Variants in ZBED6 observed in about 807,000 individuals in gnomAD.
ZBED6 encodes zinc finger BED domain-containing protein 6.
A neutral mutation model predicts 58.4 loss-of-function variants in ZBED6; 40 were observed. The observed-to-expected ratio is 0.68, with a 90% CI of 0.53 to 0.89. ZBED6 has a LOEUF of 0.89. Among genes scored for constraint, ZBED6 ranks in the 40% least tolerant of loss-of-function variants. The pLI is 0.00. For missense variants in ZBED6, 1,057 were observed against 1,003.9 expected, an observed-to-expected ratio of 1.05 and a Z score of -0.71; for synonymous variants, 439 against 350.6, an observed-to-expected ratio of 1.25 and a Z score of -2.82.
chr1:203,799,373 T>G (rs1354319250), exon 1 of ZBED6: 1 of 703,670 alleles, frequency 1.4e-6, no homozygotes, highest in African/African-American at 1.7e-5. Context: ...ATCATTTTAG[T>G]CATTCGGTCA....
chr1:203,840,390 G>C lies in ZBED6; in HGVS notation c.*3741+16G>C. The C allele has an allele frequency of 6.2e-7, 1 of 1,605,016 alleles. No homozygotes were observed. ...GATGCAACAGGTAAGTAAATCCTAAGACCAGATTCTGATTATTTTTTTCTT... is the reference window on the plus strand; with the variant it reads ...GATGCAACAGGTAAGTAAATCCTAACACCAGATTCTGATTATTTTTTTCTT... On this transcript the variant is annotated intron_variant, in intron 11 of 16. Coordinates refer to ENST00000550078, the Ensembl canonical transcript of ZBED6.
At chr1:203,802,544 A>G (rs1288865412) in exon 1 of ZBED6, 1 of 152,296 alleles carries the variant, frequency 6.6e-6, no homozygotes, top group Non-Finnish European at 1.5e-5. Context: ...AAGATGGGGG[A>G]AGGTTTCTGT....
chr1:203,849,883 C>T (rs1688846504), exon 14 of ZBED6: 1 of 1,614,002 alleles, frequency 6.2e-7, no homozygotes, highest in African/African-American at 1.3e-5. Flanking sequence ...CCAGTGCTCA[C>T]TGCTGTGCCA....
intron 1 of ZBED6, among the ~76,000 whole-genome samples, chr1:203,804,505 G>A (rs891693853): frequency 6.6e-6 from 1 of 151,870 alleles, no homozygotes; most frequent in Non-Finnish European, 1.5e-5. Context: ...TCTTTTTACT[G>A]TGAGTGGTAC....
intron 11 of ZBED6, 39 bp from the exon 12 acceptor site, chr1:203,847,145 C>T (rs1201030237): frequency 1.2e-6 from 2 of 1,604,474 alleles, no homozygotes; most frequent in Non-Finnish European, 8.5e-7. Flanking sequence ...AAGAGATGAA[C>T]TTCAAGTATA....
At chr1:203,835,670 A>G in intron 9 of ZBED6, 1 of 240,018 alleles carries the variant, frequency 4.2e-6, no homozygotes, top group Non-Finnish European at 9.0e-6. Flanking sequence ...GAACCACACC[A>G]CTGTTTCCAT....
chr1:203,850,937 C>T, intron 15 of ZBED6, 120 bp from the exon 16 acceptor site: 1 of 1,294,080 alleles, frequency 7.7e-7, no homozygotes, highest in Non-Finnish European at 1.1e-6. Context: ...ATTATCGATT[C>T]TTAGATTCAC....
intron 1 of ZBED6, among the ~76,000 whole-genome samples, chr1:203,809,751 C>T (rs1162291169): frequency 1.3e-5 from 2 of 151,914 alleles, no homozygotes; most frequent in African/African-American, 4.8e-5. Context: ...GTCAGGAGTT[C>T]GAGACCAATC....
At chr1:203,849,904 G>A (rs1053132373) in exon 14 of ZBED6, 1 of 1,614,102 alleles carries the variant, frequency 6.2e-7, no homozygotes, top group Non-Finnish European at 8.5e-7. Context: ...GGAATCACAC[G>A]GCACCTGACC....
exon 1 of ZBED6, chr1:203,798,920 A>G (rs1024519062): frequency 5.8e-5 from 89 of 1,536,024 alleles, no homozygotes; most frequent in Non-Finnish European, 7.1e-5. Context: ...GTGTCAGAGA[A>G]AAAATTTTCT....
chr1:203,814,700 C>A (rs1340432990), intron 1 of ZBED6, among the ~76,000 whole-genome samples: 1 of 152,128 alleles, frequency 6.6e-6, no homozygotes, highest in Non-Finnish European at 1.5e-5. Context: ...CACCTATGAC[C>A]CAATAACAAA....
At chr1:203,815,085 C>T (rs1675804556) in intron 1 of ZBED6, 1 of 152,102 alleles carries the variant, frequency 6.6e-6, no homozygotes, top group Admixed American at 6.6e-5. Context: ...CAGCTTCCAC[C>T]TCCCAAAGTG....
At chr1:203,831,562 T>C in intron 7 of ZBED6, 99 bp from the exon 8 acceptor site, 1 of 884,478 alleles carries the variant, frequency 1.1e-6, no homozygotes, top group East Asian at 2.6e-5. Context: ...ATAATATCAG[T>C]CTGTATTGGA....
At chr1:203,853,915 T>C (rs2103495038) in exon 17 of ZBED6, 1 of 152,816 alleles carries the variant, frequency 6.5e-6, no homozygotes, top group South Asian at 2.1e-4. Flanking sequence ...ATGGATTTTC[T>C]ACTTATTTCG....
intron 1 of ZBED6, among the ~76,000 whole-genome samples, chr1:203,809,319 G>A (rs563601929): frequency 6.6e-6 from 1 of 151,838 alleles, no homozygotes; most frequent in East Asian, 1.9e-4. Flanking sequence ...GGGACAACAG[G>A]CGCACACTAC....
chr1:203,828,243 C>T, intron 3 of ZBED6, 56 bp from the exon 4 acceptor site: 1 of 1,603,892 alleles, frequency 6.2e-7, no homozygotes, highest in East Asian at 2.2e-5. Flanking sequence ...CAAACTGCCA[C>T]ATGAATATAC....
chr1:203,797,789 G>A, exon 1 of ZBED6: 2 of 1,536,038 alleles, frequency 1.3e-6, no homozygotes, highest in East Asian at 2.4e-5. Context: ...GTAAGGATTT[G>A]GGATCTGGGA....
At chr1:203,833,147 A>T (rs900834103) in intron 8 of ZBED6, among the ~76,000 whole-genome samples, 1 of 152,160 alleles carries the variant, frequency 6.6e-6, no homozygotes, top group African/African-American at 2.4e-5. Context: ...AGGCGGGCAG[A>T]TCACAAGGTC....
chr1:203,819,067 C>CAA (rs747588582), intron 3 of ZBED6, among the ~76,000 whole-genome samples: 9 of 97,214 alleles, frequency 9.3e-5, no homozygotes, highest in African/African-American at 2.6e-4. Flanking sequence ...CACTCCGTCT[C>CAA]AAAAAAAAAA....
Sources: gnomAD v4.1 joint callset for allele counts (sites outside exome capture counted in the v4.1 genomes callset) on GRCh38, gnomAD v4.1.1 for gene constraint, MANE v1.5 for transcripts, NCBI Gene and HGNC (gene_info 2026-07-23, HGNC 2026-07-21) for gene names.